RASA3: variants seen among roughly 807,000 people sequenced by gnomAD.
RASA3 encodes the protein RAS p21 protein activator 3.
A neutral mutation model predicts 110.0 loss-of-function variants in RASA3; 73 were observed. The ratio of observed to expected loss-of-function variants is 0.66; its 90% CI spans 0.55 to 0.81. The LOEUF (loss-of-function observed/expected upper bound fraction) is 0.81, where lower values mean the gene tolerates loss of function less well. Ranked by LOEUF, RASA3 falls within the 30% of genes least tolerant of loss-of-function variation. The pLI is 0.00. For missense variants in RASA3, 976 were observed against 1,113.2 expected (o/e 0.88, Z 1.75); for synonymous variants, 500 against 451.4 (o/e 1.11, Z -1.37).
At chr13:114,104,847 CCA>C (rs1196223026) in intron 1 of RASA3, among the ~76,000 whole-genome samples, 1 of 151,436 alleles carries the variant, frequency 6.6e-6, no homozygotes, top group Non-Finnish European at 1.5e-5. Context: ...CCCTCCCTCC[CCA>C]CACACACGTT....
At chr13:114,109,978 C>T (rs376754572) in intron 1 of RASA3, among the ~76,000 whole-genome samples, 9 of 152,344 alleles carry the variant, frequency 5.9e-5, no homozygotes, top group African/African-American at 1.9e-4. Context: ...GCCACAGCTG[C>T]ACCCTCAGGG....
intron 14 of RASA3, among the ~76,000 whole-genome samples, chr13:114,013,719 T>C (rs911822418): frequency 2.3e-5 from 3 of 130,178 alleles, no homozygotes; most frequent in Non-Finnish European, 4.8e-5. Flanking sequence ...TCCCCCTCTC[T>C]CTCTCCGTCC....
In RASA3 at chr13:114,009,535, T is replaced by C. The variant is rs962330148; in HGVS notation, c.1591-71A>G. 12 of 1,048,824 alleles carry C rather than the reference T, an allele frequency of 1.1e-5. No individual in the cohort carries two copies. In the Admixed American group the frequency reaches 2.1e-4, roughly 18 times the overall value. 65.0% of individuals were successfully genotyped at this position (1,048,824 alleles called of 1,614,324 possible). A position where few individuals can be genotyped will look rare whatever the true frequency, so the allele number is the denominator to read the frequency against. On this transcript the variant is annotated intron_variant, in intron 16 of 23. Transcript: ENST00000334062. ...GCTCACGGCCCAAATCTGAAAAAGC[T>C]AGAGGCAAGAACTGTCCAAGCCTAA...
intron 16 of RASA3, 27 bp from the exon 17 acceptor site, chr13:114,009,491 G>A: frequency 6.6e-7 from 1 of 1,513,872 alleles, no homozygotes; most frequent in Non-Finnish European, 9.2e-7. Context: ...ATCACTCGAG[G>A]ACAGCCCGAA....
intron 9 of RASA3, 131 bp downstream of exon 9, chr13:114,021,273 G>A: frequency 2.8e-6 from 2 of 721,968 alleles, no homozygotes; most frequent in South Asian, 3.6e-5. Flanking sequence ...TACATGCAAA[G>A]TAAGAGCAGG....
chr13:114,120,828 T>G (rs2080366668), intron 1 of RASA3, among the ~76,000 whole-genome samples: 1 of 152,244 alleles, frequency 6.6e-6, no homozygotes, highest in Admixed American at 6.5e-5. Flanking sequence ...ACCAGCAATT[T>G]CTTACTAATT....
chr13:114,037,367 C>A (rs947202962), intron 4 of RASA3, among the ~76,000 whole-genome samples: 2 of 152,158 alleles, frequency 1.3e-5, no homozygotes, highest in Non-Finnish European at 2.9e-5. Context: ...ATACCACAAG[C>A]GACCCGGAGG....
At chr13:114,079,835 C>T (rs981036827) in intron 1 of RASA3, among the ~76,000 whole-genome samples, 1 of 152,084 alleles carries the variant, frequency 6.6e-6, no homozygotes, top group Non-Finnish European at 1.5e-5. Context: ...CCGCACTGGC[C>T]TCCCCACCCG....
chr13:114,099,038 C>T (rs1439031458), intron 1 of RASA3, among the ~76,000 whole-genome samples: 4 of 10,470 alleles, frequency 3.8e-4, no homozygotes, highest in African/African-American at 1.3e-3. Context: ...CCCGGCCACC[C>T]GAGCCCCCCA....
Position 114,048,030 on chromosome 13 carries a change from T to C in RASA3, c.277+4022A>G, listed in dbSNP as rs1456377392. 1.3e-5 allele frequency among the ~76,000 whole-genome samples: 2 copies of C among 152,074 alleles called. No individual in the cohort carries two copies. Among genetic ancestry groups the C allele is most frequent in the Non-Finnish European group, 2.9e-5 (2 of 68,028 alleles). ...CTGATTTATACACAAAGAACGGAGG[T>C]CTCGGCCGGGCGCGGTGGCTCACGC... On this transcript the variant is annotated intron_variant, in intron 3 of 23. Transcript: ENST00000334062. This position sits in a 1 kb window ranked among gnomAD's most constrained non-coding sequence, Gnocchi z 4.3.
intron 3 of RASA3, among the ~76,000 whole-genome samples, chr13:114,043,764 G>T (rs1055920745): frequency 1.3e-5 from 2 of 151,918 alleles, no homozygotes; most frequent in Non-Finnish European, 2.9e-5. Context: ...TCCCTCCAAT[G>T]GCCTCTAATG....
chr13:114,101,068 G>T (rs2080054729), intron 1 of RASA3, among the ~76,000 whole-genome samples: 1 of 152,186 alleles, frequency 6.6e-6, no homozygotes, highest in Admixed American at 6.5e-5. Flanking sequence ...GGGGGTGTAG[G>T]GACAGGGGCT....
intron 17 of RASA3, 116 bp from the exon 18 acceptor site, chr13:114,007,722 G>T: frequency 3.5e-6 from 3 of 852,478 alleles, no homozygotes; most frequent in South Asian, 2.9e-5. Context: ...AGTGGAGACA[G>T]AATCTGGGCA....
chr13:114,123,881 T>C (rs2080412121), intron 1 of RASA3, among the ~76,000 whole-genome samples: 1 of 152,218 alleles, frequency 6.6e-6, no homozygotes, highest in Non-Finnish European at 1.5e-5. Flanking sequence ...TTTTATCCTA[T>C]GGGCAGTCAG....
intron 1 of RASA3, among the ~76,000 whole-genome samples, chr13:114,091,410 A>G (rs1032442104): frequency 6.6e-5 from 10 of 151,708 alleles, no homozygotes; most frequent in Admixed American, 2.0e-4. Flanking sequence ...CAATCTGTTG[A>G]GTTTTTGTCA....
rs1437143808 is a variant in RASA3 at position 114,115,052 on chromosome 13, C to T, written c.55+17383G>A. 6.6e-6 allele frequency among the ~76,000 whole-genome samples: 1 copy of T among 151,176 alleles called. No individual in the cohort carries two copies. The highest frequency in any genetic ancestry group is 1.5e-5 in the Non-Finnish European group (1 of 67,720). ...CCAGCTGTGAGATGCTGCAGGTTCC[C>T]CAGCCCCACCCCCAGCTGTGAGATG... On this transcript the variant is annotated intron_variant, in intron 1 of 23. Transcript: ENST00000334062. This position sits in a 1 kb window ranked among gnomAD's most constrained non-coding sequence, Gnocchi z 5.0.
At chr13:114,000,749 C>G in intron 19 of RASA3, 77 bp downstream of exon 19, 1 of 1,095,696 alleles carries the variant, frequency 9.1e-7, no homozygotes, top group Non-Finnish European at 1.4e-6. Context: ...CCTCAGCTCT[C>G]CCCCTGAAAA....
chr13:113,990,251 C>A (rs540295496), intron 22 of RASA3, among the ~76,000 whole-genome samples: 5 of 152,238 alleles, frequency 3.3e-5, no homozygotes, highest in African/African-American at 9.6e-5. Context: ...ATACACCAGG[C>A]TATGGGGATG....
rs745319589 is a variant in RASA3 at position 114,040,468 on chromosome 13, T to C, written c.372+532A>G. On this transcript the variant is annotated intron_variant, in intron 4 of 23. Coordinates refer to ENST00000334062, the MANE Select transcript of RASA3 (RefSeq NM_007368.4). ...GCGAACACGCACAACCCAAAATCCA[T>C]GGCAGAGACCGCGCTCACTCCGAGC... 6.6e-4 allele frequency among the ~76,000 whole-genome samples: 74 copies of C among 112,904 alleles called. 1 individual carries two copies. The highest frequency in any genetic ancestry group is 2.8e-3 in the African/African-American group (71 of 25,466). 74.1% of individuals were successfully genotyped at this position (112,904 alleles called of 152,430 possible). A position where few individuals can be genotyped will look rare whatever the true frequency, so the allele number is the denominator to read the frequency against.
Sources: allele counts gnomAD v4.1 joint callset (sites outside exome capture counted in the v4.1 genomes callset), GRCh38; gene constraint gnomAD v4.1.1; non-coding constraint Gnocchi (gnomAD v3.1); transcripts MANE v1.5; gene names NCBI Gene and HGNC (gene_info 2026-07-23, HGNC 2026-07-21).